Variants in TRMT13 observed in about 807,000 individuals in gnomAD.
TRMT13 encodes the protein tRNA methyltransferase 13, also known as tRNA:m(4)X modification enzyme TRM13 homolog.
Under a neutral mutation model 55.9 loss-of-function variants are expected in TRMT13, and 45 were observed. That is an observed-to-expected ratio of 0.80 (90% confidence interval 0.63 to 1.03). TRMT13 has a LOEUF of 1.03. Ranked by LOEUF, TRMT13 falls within the 50% of genes least tolerant of loss-of-function variation. The pLI, the probability that TRMT13 is intolerant of heterozygous loss-of-function variation, is 0.00. For synonymous variants in TRMT13, 183 were observed against 196.3 expected (o/e 0.93, Z 0.57); for missense variants, 513 against 563.9 (o/e 0.91, Z 0.91).
In TRMT13 at chr1:100,137,077, C is replaced by G. The variant is rs374555952; in HGVS notation, c.253C>G (p.Pro85Ala). 1.9e-6 allele frequency: 3 copies of G among 1,611,554 alleles called. No homozygotes were observed. In the African/African-American group the frequency reaches 4.0e-5, roughly 22 times the overall value. The change falls in exon 3 of 11, where the codon CCA becomes GCA. Residue 85 changes from proline (P) to alanine (A), a missense_variant. This residue lies in a region of TRMT13 where 298 missense variants were observed against 290.3 expected (regional missense o/e 1.03). Coordinates refer to ENST00000370141, the MANE Select transcript of TRMT13 (RefSeq NM_019083.3). The stretch of plus-strand genomic sequence containing the variant: ...GAAAAAATGTAACTCAAGAGAGAAA[C>G]CAAAACCTGTAAGTGTTTGATCAGT... ...HLKKCNSREK[P>A]KPDFYIQDIN... is the part of the protein sequence containing the mutation.
rs775715298 is a variant in TRMT13 at position 100,148,274 on chromosome 1, CATG to C, written c.1205_1207del (p.Asp402del). 5.4e-5 allele frequency: 87 copies of C among 1,613,908 alleles called. No individual in the cohort carries two copies. The highest frequency in any genetic ancestry group is 7.1e-5 in the Non-Finnish European group (84 of 1,180,000). ...TAATCAGAATGATGATAGTGAAGAG[CATG>C]ATGATGGAGGATACAGAATCACAGA... is the stretch of plus-strand genomic sequence containing the variant. On this transcript the variant is annotated inframe_deletion, in exon 10 of 11. Transcript: ENST00000370141.
At position 100,140,447 on chromosome 1, in the gene TRMT13, C is replaced by A; in HGVS notation, c.434C>A (p.Pro145Gln). 1 of 1,613,966 alleles carries A rather than the reference C, an allele frequency of 6.2e-7. No homozygotes were observed. Among genetic ancestry groups the A allele is most frequent in the Non-Finnish European group, 8.5e-7 (1 of 1,179,944 alleles). Residue 145 changes from proline to glutamine, a missense_variant, in exon 6 of 11, where the codon CCA (proline) becomes CAA (glutamine). Coordinates refer to ENST00000370141, the MANE Select transcript of TRMT13 (RefSeq NM_019083.3). ...CTTAAAGATCATATTATGTCCCATCCAGCATTACACGATGCACTTAATGAC... is the reference window on the plus strand; with the variant it reads ...CTTAAAGATCATATTATGTCCCATCAAGCATTACACGATGCACTTAATGAC... Reference protein sequence around the residue: ...STLKDHIMSHPALHDALNDPK... With the variant: ...STLKDHIMSHQALHDALNDPK...
intron 9 of TRMT13, 120 bp from the exon 10 acceptor site, chr1:100,147,774 G>C (rs1570751625): frequency 3.5e-6 from 3 of 855,008 alleles, no homozygotes; most frequent in East Asian, 2.7e-5. Flanking sequence ...ATATAAAGCT[G>C]AGTAGGTTTT....
intron 9 of TRMT13, among the ~76,000 whole-genome samples, chr1:100,146,341 A>G (rs1463833739): frequency 6.6e-6 from 1 of 152,238 alleles, no homozygotes; most frequent in African/African-American, 2.4e-5. Flanking sequence ...TGCTTGCTAT[A>G]TAACAGGAAC....
Position 100,149,058 on chromosome 1 carries a change from A to G in TRMT13, c.*238A>G. On this transcript the variant is annotated 3_prime_UTR_variant, in exon 11 of 11. Transcript: ENST00000370141. ...TGAATTATATTATCCATCCGTATTTATGGAGATTGGTAAAGTAGTTGAACC... is the reference window on the plus strand; with the variant it reads ...TGAATTATATTATCCATCCGTATTTGTGGAGATTGGTAAAGTAGTTGAACC... 6.2e-7 allele frequency: 1 copy of G among 1,600,134 alleles called. No homozygotes were observed. The highest frequency in any genetic ancestry group is 8.5e-7 in the Non-Finnish European group (1 of 1,175,066).
chr1:100,145,252 C>T (rs1657098221), intron 9 of TRMT13, among the ~76,000 whole-genome samples: 1 of 152,114 alleles, frequency 6.6e-6, no homozygotes, highest in Non-Finnish European at 1.5e-5. Context: ...ATGCATTTCC[C>T]AAAACATACA....
intron 10 of TRMT13, 141 bp from the exon 11 acceptor site, chr1:100,148,484 A>G: frequency 1.9e-6 from 2 of 1,064,196 alleles, no homozygotes. Flanking sequence ...TCATAAATAT[A>G]ATGTGTCTTG....
chr1:100,140,695 G>A (rs192753169), intron 6 of TRMT13, 157 bp from the exon 7 acceptor site: 101 of 841,498 alleles, frequency 1.2e-4, no homozygotes, highest in East Asian at 6.1e-4. Context: ...TCTGAGTACC[G>A]TATATTAAAT....
At position 100,137,102 on chromosome 1, in the gene TRMT13, T is replaced by C; in HGVS notation, c.261+17T>C. ...CCAAAACCTGTAAGTGTTTGATCAG[T>C]AAAATTGAATGGTGAAATGTGGTAT... On this transcript the variant is annotated intron_variant, in intron 3 of 10. Coordinates refer to ENST00000370141, the MANE Select transcript of TRMT13 (RefSeq NM_019083.3). 6.3e-7 allele frequency: 1 copy of C among 1,596,252 alleles called. No homozygotes were observed. Among genetic ancestry groups the C allele is most frequent in the Admixed American group, 1.7e-5 (1 of 58,544 alleles).
chr1:100,149,277 A>G lies in TRMT13; in HGVS notation c.*457A>G. On this transcript the variant is annotated 3_prime_UTR_variant, in exon 11 of 11. Transcript: ENST00000370141. ...CTTATATGTGGACATTTTTCCCTAC[A>G]GATCTGGAAAGCACAATTGTGATTT... 6.6e-7 allele frequency: 1 copy of G among 1,521,320 alleles called. No individual in the cohort carries two copies. Among genetic ancestry groups the G allele is most frequent in the Non-Finnish European group, 8.8e-7 (1 of 1,139,476 alleles). The allele number at this position is 1,521,320 out of a possible 1,614,324, so 94.2% of individuals were successfully genotyped here.
chr1:100,149,068 G>T lies in TRMT13; in HGVS notation c.*248G>T, dbSNP rs1341293941. The T allele has an allele frequency of 6.2e-7, 1 of 1,602,164 alleles. No individual in the cohort carries two copies. Among genetic ancestry groups the T allele is most frequent in the African/African-American group, 1.3e-5 (1 of 74,634 alleles). ...TATCCATCCGTATTTATGGAGATTG[G>T]TAAAGTAGTTGAACCGTTGACTTGG... is the stretch of plus-strand genomic sequence containing the variant. On this transcript the variant is annotated 3_prime_UTR_variant, in exon 11 of 11. Coordinates refer to ENST00000370141, the MANE Select transcript of TRMT13 (RefSeq NM_019083.3).
chr1:100,147,873 G>A (rs1031957020), intron 9 of TRMT13, 21 bp from the exon 10 acceptor site: 5 of 1,560,030 alleles, frequency 3.2e-6, no homozygotes, highest in Non-Finnish European at 2.6e-6. Flanking sequence ...GTTTGGGGGG[G>A]CCACATAATT....
chr1:100,148,588 A>G, intron 10 of TRMT13, 37 bp from the exon 11 acceptor site: 1 of 1,569,368 alleles, frequency 6.4e-7, no homozygotes, highest in Non-Finnish European at 8.6e-7. Flanking sequence ...CTTTTGCAAA[A>G]TTTTAACAAT....
intron 1 of TRMT13, among the ~76,000 whole-genome samples, chr1:100,135,420 G>A (rs1237460231): frequency 6.6e-6 from 1 of 152,048 alleles, no homozygotes; most frequent in Non-Finnish European, 1.5e-5. Flanking sequence ...ATGAAATTCA[G>A]TGTGAATAGC....
intron 7 of TRMT13, among the ~76,000 whole-genome samples, chr1:100,141,551 C>CT (rs1177543107): frequency 6.6e-6 from 1 of 152,072 alleles, no homozygotes; most frequent in African/African-American, 2.4e-5. Context: ...AGGCTGGTGT[C>CT]GAACTCCTGA....
Position 100,133,256 on chromosome 1 carries a change from T to C in TRMT13, c.88T>C (p.Cys30Arg). The C allele has an allele frequency of 1.2e-6, 2 of 1,614,142 alleles. No individual in the cohort carries two copies. The highest frequency in any genetic ancestry group is 1.7e-6 in the Non-Finnish European group (2 of 1,179,984). ...CTATGTGGAAAAGAAGAAACGGTTCTGCAGGATGGTGGTGGCCGCAGGGAA... is the reference window on the plus strand; with the variant it reads ...CTATGTGGAAAAGAAGAAACGGTTCCGCAGGATGGTGGTGGCCGCAGGGAA... ...GYYVEKKKRF[C>R]RMVVAAGKRF... Residue 30 changes from cysteine to arginine, a missense_variant, in exon 1 of 11, where the codon TGC (cysteine) becomes CGC (arginine). Coordinates refer to ENST00000370141, the MANE Select transcript of TRMT13 (RefSeq NM_019083.3).
At chr1:100,147,818 A>G in intron 9 of TRMT13, 76 bp from the exon 10 acceptor site, 1 of 1,376,732 alleles carries the variant, frequency 7.3e-7, no homozygotes, top group Non-Finnish European at 9.7e-7. Flanking sequence ...TAAAAACAGT[A>G]CTGCTTAATA....
In TRMT13 at chr1:100,148,659, C is replaced by T. The variant is rs1570754425; in HGVS notation, c.1285C>T (p.His429Tyr). The change falls in exon 11 of 11, where the codon CAT becomes TAT. Residue 429 changes from histidine to tyrosine, a missense_variant. Around this residue, in one of 3 missense-constraint regions of TRMT13, gnomAD observed 209 missense variants for 255.8 expected, o/e 0.82. Transcript: ENST00000370141. ...TGTTGAAGAAAAGAAGAAAATAGGG[C>T]ATCTTTGTAAATTGCTGATTGACCA... ...LSVEEKKKIG[H>Y]LCKLLIDQGR... The T allele has an allele frequency of 6.2e-6, 10 of 1,610,858 alleles. No homozygotes were observed. In the East Asian group the frequency reaches 2.2e-4, roughly 36 times the overall value.
chr1:100,147,837 A>G (rs1657468206), intron 9 of TRMT13, 57 bp from the exon 10 acceptor site: 2 of 1,475,852 alleles, frequency 1.4e-6, no homozygotes, highest in Non-Finnish European at 1.8e-6. Flanking sequence ...TAAATGTAAA[A>G]AGTATTTATT....
Sources: gnomAD v4.1 joint callset for allele counts (sites outside exome capture counted in the v4.1 genomes callset) on GRCh38, gnomAD v4.1.1 for gene constraint, gnomAD v4.1.1 regional missense constraint, MANE v1.5 for transcripts, NCBI Gene and HGNC (gene_info 2026-07-23, HGNC 2026-07-21) for gene names.